Variants in RORA observed in about 807,000 individuals in gnomAD.
The protein encoded by RORA is nuclear receptor ROR-alpha.
Under a neutral mutation model 69.5 loss-of-function variants are expected in RORA, and 7 were observed. That is an observed-to-expected ratio of 0.10 (90% CI 0.06 to 0.19). The LOEUF is 0.19. Among genes scored for constraint, RORA ranks in the 10% least tolerant of loss-of-function variants. The pLI, the probability that RORA is intolerant of heterozygous loss-of-function variation, is 1.00. For synonymous variants in RORA, 261 were observed against 240.8 expected (o/e 1.08, Z -0.78); for missense variants, 457 against 663.0 (o/e 0.69, Z 3.41).
Position 61,226,987 on chromosome 15 carries a change from G to T in RORA, c.166+2066C>A, listed in dbSNP as rs1270605800. On this transcript the variant is annotated intron_variant, in intron 1 of 10. Coordinates refer to ENST00000335670, the MANE Select transcript of RORA (RefSeq NM_134261.3). This position sits in a 1 kb window ranked among gnomAD's most constrained non-coding sequence, Gnocchi z 4.2. ...TTTGCTGAGCCTAAGGGGGCTGGTG[G>T]CACTGAATGCTCCGGCGTTACATAA... Among the ~76,000 whole-genome samples, 1 of 152,122 alleles carries T rather than the reference G, an allele frequency of 6.6e-6. No individual in the cohort carries two copies. The highest frequency in any genetic ancestry group is 1.5e-5 in the Non-Finnish European group (1 of 68,034).
At chr15:60,653,328 TGC>T (rs370219401) in intron 2 of RORA, among the ~76,000 whole-genome samples, 1 of 147,906 alleles carries the variant, frequency 6.8e-6, no homozygotes, top group African/African-American at 2.5e-5. Context: ...TGTGTGTGTG[TGC>T]GTATTTGAAC....
chr15:61,038,262 A>C (rs1484257783), intron 1 of RORA, among the ~76,000 whole-genome samples: 1 of 152,206 alleles, frequency 6.6e-6, no homozygotes, highest in Non-Finnish European at 1.5e-5. Context: ...TGTAGCAATG[A>C]GACAAAATAT....
intron 2 of RORA, among the ~76,000 whole-genome samples, chr15:60,667,213 TG>T (rs1198387673): frequency 6.6e-6 from 1 of 152,226 alleles, no homozygotes; most frequent in Non-Finnish European, 1.5e-5. Flanking sequence ...GTTGGTGTTC[TG>T]TTGTATTCAC....
intron 1 of RORA, among the ~76,000 whole-genome samples, chr15:60,735,607 T>C (rs927604873): frequency 4.6e-5 from 7 of 150,616 alleles, no homozygotes; most frequent in Non-Finnish European, 1.0e-4. Flanking sequence ...CACTTCGGCC[T>C]CCAGAAGAGA....
chr15:60,514,051 C>T (rs913806613), intron 4 of RORA, among the ~76,000 whole-genome samples: 1 of 152,224 alleles, frequency 6.6e-6, no homozygotes, highest in African/African-American at 2.4e-5. Flanking sequence ...TAGACGGTCT[C>T]TATTCCTTAA....
chr15:60,880,468 A>C (rs889656389), intron 1 of RORA, among the ~76,000 whole-genome samples: 1 of 152,122 alleles, frequency 6.6e-6, no homozygotes, highest in African/African-American at 2.4e-5. Context: ...GTGAAACCCC[A>C]TCTCTACTAA....
At chr15:60,889,058 C>G (rs1009864214) in intron 1 of RORA, among the ~76,000 whole-genome samples, 1 of 152,240 alleles carries the variant, frequency 6.6e-6, no homozygotes, top group Non-Finnish European at 1.5e-5. Flanking sequence ...TCAGAGGCAC[C>G]TCTCCTGACC....
At chr15:61,179,324 C>T (rs993253586) in intron 1 of RORA, among the ~76,000 whole-genome samples, 1 of 152,166 alleles carries the variant, frequency 6.6e-6, no homozygotes, top group Admixed American at 6.5e-5. Flanking sequence ...CCACCACACA[C>T]TGAATGCAGA....
chr15:60,890,200 G>A lies in RORA; in HGVS notation c.167-211514C>T, dbSNP rs116186259. On this transcript the variant is annotated intron_variant, in intron 1 of 10. Transcript: ENST00000335670. ...ATGTTAGAGCTGAAGGCACTTTCAC[G>A]TTCATTTATTCTAACCCCCTTATTT... Among the ~76,000 whole-genome samples the A allele has an allele frequency of 1.9e-3, 291 of 152,280 alleles. 1 individual carries two copies. The highest frequency in any genetic ancestry group is 5.0e-3 in the African/African-American group (207 of 41,542).
chr15:60,936,576 C>T (rs1038164837), intron 1 of RORA, among the ~76,000 whole-genome samples: 9 of 151,330 alleles, frequency 5.9e-5, no homozygotes, highest in Non-Finnish European at 5.9e-5. Flanking sequence ...AGCCCCCAAA[C>T]GGGGATCACA....
chr15:61,102,603 G>A (rs2078895479), intron 1 of RORA, among the ~76,000 whole-genome samples: 1 of 152,124 alleles, frequency 6.6e-6, no homozygotes, highest in African/African-American at 2.4e-5. Context: ...TTTTCTTGCT[G>A]GAGAACTGAT....
At chr15:60,689,548 G>C (rs2070793104) in intron 1 of RORA, among the ~76,000 whole-genome samples, 1 of 152,074 alleles carries the variant, frequency 6.6e-6, no homozygotes, top group Non-Finnish European at 1.5e-5. Flanking sequence ...ACATATTCAA[G>C]TCCTAACTCC....
intron 1 of RORA, among the ~76,000 whole-genome samples, chr15:61,206,726 T>G (rs984932741): frequency 1.3e-5 from 2 of 152,158 alleles, no homozygotes; most frequent in African/African-American, 2.4e-5. Flanking sequence ...TTGCTCATCC[T>G]CCAGCCCGGC....
intron 1 of RORA, among the ~76,000 whole-genome samples, chr15:61,121,897 A>G (rs1237930025): frequency 1.3e-5 from 2 of 151,988 alleles, no homozygotes; most frequent in African/African-American, 4.8e-5. Flanking sequence ...ATCCATATAC[A>G]TACTGCAGGT....
chr15:60,653,128 A>G (rs1272012540), intron 2 of RORA, among the ~76,000 whole-genome samples: 1 of 152,156 alleles, frequency 6.6e-6, no homozygotes, highest in African/African-American at 2.4e-5. Flanking sequence ...TTTGAAAGTG[A>G]TTTTTTTAGC....
intron 1 of RORA, among the ~76,000 whole-genome samples, chr15:61,222,550 T>C (rs1034454171): frequency 3.3e-5 from 5 of 152,144 alleles, no homozygotes; most frequent in African/African-American, 1.2e-4. Context: ...CTTGATGTCT[T>C]TGCTCCAAAA....
chr15:60,713,722 T>C (rs1460028701), intron 1 of RORA, among the ~76,000 whole-genome samples: 1 of 152,160 alleles, frequency 6.6e-6, no homozygotes, highest in East Asian at 1.9e-4. Context: ...AACGTCTCCA[T>C]GCCACAGTCC....
intron 1 of RORA, among the ~76,000 whole-genome samples, chr15:61,163,237 CATAGAAATTAA>C (rs2079511439): frequency 2.0e-5 from 3 of 152,118 alleles, no homozygotes; most frequent in Admixed American, 2.0e-4. Flanking sequence ...TGGAAGGCCA[CATAGAAATTAA>C]ATGGACAAGG....
chr15:60,770,147 A>C (rs1215671039), intron 1 of RORA, among the ~76,000 whole-genome samples: 5 of 152,200 alleles, frequency 3.3e-5, no homozygotes, highest in Non-Finnish European at 5.9e-5. Flanking sequence ...CCTTCGTTAA[A>C]GGGCTTTTTG....
Sources: allele counts gnomAD v4.1 joint callset (sites outside exome capture counted in the v4.1 genomes callset), GRCh38; gene constraint gnomAD v4.1.1; non-coding constraint Gnocchi (gnomAD v3.1); transcripts MANE v1.5; gene names NCBI Gene and HGNC (gene_info 2026-07-23, HGNC 2026-07-21).